The following ZNF726 variants were observed in gnomAD, a reference collection of about 807,000 sequenced individuals.
ZNF726 encodes the protein zinc finger protein 726.
ZNF726 carries 15 observed loss-of-function variants against 11.6 expected under a neutral mutation model. The observed-to-expected ratio is 1.29, with a 90% confidence interval of 0.86 to 1.99. The LOEUF is 1.99. Among genes scored for constraint, ZNF726 ranks in the 30% most tolerant of loss-of-function variants. The pLI is 0.00. For missense variants in ZNF726, 890 were observed against 725.6 expected (o/e 1.23, Z -2.60); for synonymous variants, 295 against 243.6 (o/e 1.21, Z -1.96).
intron 3 of ZNF726, among the ~76,000 whole-genome samples, chr19:23,924,183 A>ACAGG (rs1305750442): frequency 6.6e-6 from 1 of 151,392 alleles, no homozygotes; most frequent in Non-Finnish European, 1.5e-5. Flanking sequence ...AGCTGGGATT[A>ACAGG]CAGGCACATG....
At chr19:23,943,437 C>T (rs1233137330) in intron 3 of ZNF726, 3 of 533,812 alleles carry the variant, frequency 5.6e-6, no homozygotes, top group African/African-American at 5.6e-5. Context: ...GAACATGGTA[C>T]TAGGTTGCTA....
At chr19:23,935,913 G>T (rs1233645306), downstream of ZNF726, 1 of 152,426 alleles carries the variant, frequency 6.6e-6, no homozygotes, top group African/African-American at 2.4e-5. Context: ...TGTCTTTAAA[G>T]TGCAGAAGCA....
At position 23,933,845 on chromosome 19, in the gene ZNF726, T is replaced by C; in HGVS notation, c.1729T>C (p.Ser577Pro). The C allele has an allele frequency of 6.3e-7, 1 of 1,596,958 alleles. No homozygotes were observed. Among genetic ancestry groups the C allele is most frequent in the Non-Finnish European group, 8.5e-7 (1 of 1,171,984 alleles). The change falls in exon 4 of 4, where the codon TCC becomes CCC. Residue 577 changes from serine to proline, a missense_variant. Ser to Pro is a moderately conservative substitution (Grantham distance 74). Coordinates refer to ENST00000594466, the MANE Select transcript of ZNF726 (RefSeq NM_001244038.2). The stretch of plus-strand genomic sequence containing the variant: ...AGAATGTGGAAAAGCGTTTAATCGA[T>C]CCTCAAATCTTAGTACGCATAAGAT... ...CEECGKAFNR[S>P]SNLSTHKIIH...
At chr19:23,936,872 C>T (rs926510923), downstream of ZNF726, among the ~76,000 whole-genome samples, 9 of 152,140 alleles carry the variant, frequency 5.9e-5, no homozygotes, top group South Asian at 2.1e-4. Context: ...TACACAGACA[C>T]GGCAACCATC....
In ZNF726 at chr19:23,932,820, G is replaced by A. The variant is rs775212957; in HGVS notation, c.704G>A (p.Gly235Asp). ...EEKPYKCEEY[G>D]KAFNQSSNYT... is the part of the protein sequence containing the mutation. ...AAGCCCTACAAATGTGAAGAATATG[G>A]CAAAGCTTTTAATCAATCCTCAAAT... The change falls in exon 4 of 4, where the codon GGC becomes GAC. Residue 235 changes from glycine (G) to aspartate (D), a missense_variant. Coordinates refer to ENST00000594466, the MANE Select transcript of ZNF726 (RefSeq NM_001244038.2). The A allele has an allele frequency of 1.4e-5, 23 of 1,608,086 alleles. No homozygotes were observed. Among genetic ancestry groups the A allele is most frequent in the Middle Eastern group, 1.6e-4 (1 of 6,078 alleles).
At chr19:23,936,035 TA>T (rs1968224871), downstream of ZNF726, 1 of 152,224 alleles carries the variant, frequency 6.6e-6, no homozygotes, top group African/African-American at 2.4e-5. Context: ...AGGCAGTTAT[TA>T]AAATTTTGTT....
chr19:23,942,186 T>G (rs1022640857), intron 3 of ZNF726, among the ~76,000 whole-genome samples: 1 of 152,232 alleles, frequency 6.6e-6, no homozygotes, highest in African/African-American at 2.4e-5. Context: ...TTTGAAGAAT[T>G]TTTATGTTCC....
intron 3 of ZNF726, chr19:23,943,424 A>C (rs112680920): frequency 7.1e-5 from 33 of 466,640 alleles, no homozygotes; most frequent in Middle Eastern, 4.7e-4. Context: ...TATTTTCTCT[A>C]CTGAACATGG....
At position 23,934,051 on chromosome 19, in the gene ZNF726, G is replaced by C; in HGVS notation, c.*84G>C. 2.0e-6 allele frequency: 3 copies of C among 1,476,634 alleles called. No homozygotes were observed. Among genetic ancestry groups the C allele is most frequent in the Non-Finnish European group, 2.8e-6 (3 of 1,060,898 alleles). 91.5% of individuals were successfully genotyped at this position (1,476,634 alleles called of 1,614,324 possible). On this transcript the variant is annotated 3_prime_UTR_variant, in exon 4 of 4. Transcript: ENST00000594466. ...AACATAAGAGGATGCACACTGGAGA[G>C]AAACCCTACAAATGTGAAGAATGTG...
chr19:23,918,315 C>G (rs371654634), intron 1 of ZNF726, among the ~76,000 whole-genome samples: 1 of 152,130 alleles, frequency 6.6e-6, no homozygotes, highest in Admixed American at 6.5e-5. Context: ...AACATCTATG[C>G]ATTACACGAT....
At position 23,933,188 on chromosome 19, in the gene ZNF726, A is replaced by C; in HGVS notation, c.1072A>C (p.Thr358Pro). ...KAFSQFGHLT[T>P]HRIIHTGEKP... ...TTTTAGCCAATTCGGACACCTTACTACACATAGGATAATTCATACTGGAGA... is the reference window on the plus strand; with the variant it reads ...TTTTAGCCAATTCGGACACCTTACTCCACATAGGATAATTCATACTGGAGA... Residue 358 changes from threonine (T) to proline (P), a missense_variant, in exon 4 of 4, where the codon ACA (threonine) becomes CCA (proline). Transcript: ENST00000594466. 2 of 1,601,928 alleles carry C rather than the reference A, an allele frequency of 1.2e-6. No homozygotes were observed. Among genetic ancestry groups the C allele is most frequent in the Non-Finnish European group, 1.7e-6 (2 of 1,173,466 alleles).
At chr19:23,922,021 G>A (rs77768485) in intron 3 of ZNF726, among the ~76,000 whole-genome samples, 7,606 of 152,204 alleles carry the variant, frequency 0.05, 301 homozygotes, top group South Asian at 0.08. Context: ...ATCTATTTTC[G>A]TTGTACCCCC....
chr19:23,933,624 A>G lies in ZNF726; in HGVS notation c.1508A>G (p.His503Arg). 7.4e-6 allele frequency: 12 copies of G among 1,611,936 alleles called. No homozygotes were observed. The highest frequency in any genetic ancestry group is 1.0e-5 in the Non-Finnish European group (12 of 1,179,320). Residue 503 changes from histidine to arginine, a missense_variant, in exon 4 of 4, where the codon CAT becomes CGT. By Grantham distance (29) the His-to-Arg change is conservative (BLOSUM62 0). Coordinates refer to ENST00000594466, the MANE Select transcript of ZNF726 (RefSeq NM_001244038.2). ...ACCCTTACTGCACATAAGATAATTC[A>G]TACTGGAGAGAAACCCTACAAATGT... Reference protein sequence around the residue: ...SSTLTAHKIIHTGEKPYKCEE... With the variant: ...SSTLTAHKIIRTGEKPYKCEE...
chr19:23,932,698 A>T lies in ZNF726; in HGVS notation c.582A>T (p.Ile194=), dbSNP rs1216847473. ...CACACAAAACCCAGCATAAAAGCAT[A>T]TATACTACAGAGAAGTCCTACAAAT... ...MFSHKTQHKS[I]YTTEKSYKCK... Residue 194 remains isoleucine (I), a synonymous_variant, in exon 4 of 4, where the codon ATA becomes ATT. Transcript: ENST00000594466. The T allele has an allele frequency of 1.2e-6, 2 of 1,602,256 alleles. No homozygotes were observed. Among genetic ancestry groups the T allele is most frequent in the Non-Finnish European group, 1.7e-6 (2 of 1,176,600 alleles).
chr19:23,936,244 T>G (rs1968229005), downstream of ZNF726: 1 of 152,212 alleles, frequency 6.6e-6, no homozygotes, highest in South Asian at 2.1e-4. Flanking sequence ...AGTAGAAATA[T>G]TTAGGGCACT....
In ZNF726 at chr19:23,933,724, C is replaced by G. The variant is rs759545759; in HGVS notation, c.1608C>G (p.Pro536=). The G allele has an allele frequency of 1.1e-5, 18 of 1,611,510 alleles. No homozygotes were observed. In the Admixed American group the frequency reaches 2.7e-4, roughly 24 times the overall value. ...KHKRIHTGEK[P]YKCEECGKTF... is the part of the protein sequence containing the mutation. ...AGAGGATTCACACTGGAGAGAAACC[C>G]TACAAATGTGAAGAATGTGGCAAAA... is the stretch of plus-strand genomic sequence containing the variant. The change falls in exon 4 of 4, where the codon CCC becomes CCG. Residue 536 remains proline (P), a synonymous_variant. Coordinates refer to ENST00000594466, the MANE Select transcript of ZNF726 (RefSeq NM_001244038.2).
intron 3 of ZNF726, among the ~76,000 whole-genome samples, chr19:23,924,993 C>T (rs1041649090): frequency 6.6e-6 from 1 of 152,126 alleles, no homozygotes; most frequent in African/African-American, 2.4e-5. Flanking sequence ...AACTCAATAT[C>T]CATTAAATAA....
Position 23,933,554 on chromosome 19 carries a change from C to G in ZNF726, c.1438C>G (p.Pro480Ala), listed in dbSNP as rs755162405. 3.1e-6 allele frequency: 5 copies of G among 1,612,792 alleles called. No individual in the cohort carries two copies. In the Admixed American group the frequency reaches 6.7e-5, roughly 22 times the overall value. ...THKRMHTGEK[P>A]YKCEECGKAF... ...TAAGAGGATGCACACTGGAGAGAAA[C>G]CCTACAAATGTGAAGAATGTGGCAA... is the stretch of plus-strand genomic sequence containing the variant. Residue 480 changes from proline to alanine, a missense_variant, in exon 4 of 4, where the codon CCC becomes GCC. By Grantham distance (27) the Pro-to-Ala change is conservative (BLOSUM62 -1). Coordinates refer to ENST00000594466, the MANE Select transcript of ZNF726 (RefSeq NM_001244038.2).
rs1464314581 is a variant in ZNF726 at position 23,933,248 on chromosome 19, T to A, written c.1132T>A (p.Phe378Ile). 1.9e-6 allele frequency: 3 copies of A among 1,613,124 alleles called. No individual in the cohort carries two copies. Among genetic ancestry groups the A allele is most frequent in the Non-Finnish European group, 1.7e-6 (2 of 1,179,972 alleles). Reference sequence around the variant, plus strand: ...CAAATGTGAAGAATGTGGCAAAGCATTTATATGGCCCTCAACCCTAACTAA... The same window carrying A: ...CAAATGTGAAGAATGTGGCAAAGCAATTATATGGCCCTCAACCCTAACTAA... ...PYKCEECGKA[F>I]IWPSTLTKHK... Residue 378 changes from phenylalanine (F) to isoleucine (I), a missense_variant, in exon 4 of 4, where the codon TTT becomes ATT. By Grantham distance (21) the Phe-to-Ile change is conservative. Coordinates refer to ENST00000594466, the MANE Select transcript of ZNF726 (RefSeq NM_001244038.2).
Sources: allele counts gnomAD v4.1 joint callset (sites outside exome capture counted in the v4.1 genomes callset), GRCh38; gene constraint gnomAD v4.1.1; transcripts MANE v1.5; gene names NCBI Gene and HGNC (gene_info 2026-07-23, HGNC 2026-07-21).